DIAPH2: variants seen among roughly 807,000 people sequenced by gnomAD.
DIAPH2 encodes protein diaphanous homolog 2.
In DIAPH2, 35 loss-of-function variants were observed where a neutral mutation model predicts 92.7. That is an observed-to-expected ratio of 0.38 (90% CI 0.29 to 0.50). DIAPH2 has a LOEUF of 0.50. DIAPH2 is among the 20% of genes least tolerant of loss of function. The pLI is 0.94. For missense variants in DIAPH2, 701 were observed against 819.5 expected, an observed-to-expected ratio of 0.86 and a Z score of 1.77; for synonymous variants, 301 against 280.4, an observed-to-expected ratio of 1.07 and a Z score of -0.73.
At chrX:97,427,828 A>C (rs1163813818) in intron 25 of DIAPH2, among the ~76,000 whole-genome samples, 1 of 110,527 alleles carries the variant, frequency 9.0e-6, no homozygotes, top group Non-Finnish European at 1.9e-5. Flanking sequence ...CTGGGACTAC[A>C]GGTGCCCACC....
chrX:96,739,580 A>T (rs1328783670), intron 3 of DIAPH2, among the ~76,000 whole-genome samples: 15 of 111,973 alleles, frequency 1.3e-4, no homozygotes, highest in African/African-American at 4.9e-4. Context: ...ACATCTTGTC[A>T]TCACCTCTCC....
chrX:96,794,875 TTGGA>T (rs200526742), intron 4 of DIAPH2, among the ~76,000 whole-genome samples: 6,360 of 111,721 alleles, frequency 0.057, 199 homozygotes, highest in Middle Eastern at 0.16. Flanking sequence ...TCTTTCAGCT[TTGGA>T]TGGATCCAGA....
intron 5 of DIAPH2, among the ~76,000 whole-genome samples, chrX:96,909,809 A>C (rs1165168737): frequency 1.8e-5 from 2 of 111,255 alleles, no homozygotes; most frequent in East Asian, 2.8e-4. Flanking sequence ...AAAGTACCAT[A>C]AACTGCATCA....
chrX:97,062,488 T>A (rs1162427210), intron 17 of DIAPH2, among the ~76,000 whole-genome samples: 2 of 110,803 alleles, frequency 1.8e-5, no homozygotes, highest in Non-Finnish European at 3.8e-5. Flanking sequence ...AGAATTCAGA[T>A]CACAAGTAAA....
chrX:97,338,321 C>T (rs1457270048), intron 23 of DIAPH2, among the ~76,000 whole-genome samples: 1 of 111,909 alleles, frequency 8.9e-6, no homozygotes, highest in African/African-American at 3.2e-5. Flanking sequence ...GCATATTCAT[C>T]ACATAATGTG....
chrX:96,921,212 A>T (rs1410507138), intron 9 of DIAPH2, among the ~76,000 whole-genome samples: 1 of 111,658 alleles, frequency 9.0e-6, no homozygotes, highest in African/African-American at 3.2e-5. Context: ...AAAAAAGGTT[A>T]TTAACTTCTC....
Position 96,945,904 on chromosome X carries a change from T to G in DIAPH2, c.1509+313T>G, listed in dbSNP as rs111927321. The stretch of plus-strand genomic sequence containing the variant: ...CAATCAACCAAAATAAATTCTCCCT[T>G]TGCTTTCTTGCAGCTGTCGCTTGCA... On this transcript the variant is annotated intron_variant, in intron 14 of 26. Coordinates refer to ENST00000324765, the MANE Select transcript of DIAPH2 (RefSeq NM_006729.5). 1.2e-3 allele frequency among the ~76,000 whole-genome samples: 130 copies of G among 111,956 alleles called. 1 individual carries two copies. The highest frequency in any genetic ancestry group is 3.8e-3 in the African/African-American group (119 of 30,936).
chrX:96,735,705 A>T, intron 1 of DIAPH2, 53 bp from the exon 2 acceptor site: 1 of 644,193 alleles, frequency 1.6e-6, no homozygotes, highest in Non-Finnish European at 2.4e-6. Flanking sequence ...TTGATCTATG[A>T]GTTTCTCTTA....
At chrX:96,779,107 G>A (rs945583454) in intron 4 of DIAPH2, among the ~76,000 whole-genome samples, 3 of 112,177 alleles carry the variant, frequency 2.7e-5, no homozygotes, top group African/African-American at 9.7e-5. Context: ...CTACAAAATA[G>A]TGATTTTTCT....
At position 97,473,556 on chromosome X, in the gene DIAPH2, T is replaced by C. The variant is rs1424184774; in HGVS notation, c.3241+43811T>C. ...TCACCGTGTTGGTCAGGCTTGGTCT[T>C]GAACTCCTGACCTCGTGATCTGCCC... On this transcript the variant is annotated intron_variant, in intron 26 of 26. Coordinates refer to ENST00000324765, the MANE Select transcript of DIAPH2 (RefSeq NM_006729.5). Among the ~76,000 whole-genome samples the C allele has an allele frequency of 9.9e-5, 11 of 111,533 alleles. No homozygotes were observed. The East Asian group carries it at 2.9e-3, about 29-fold the overall frequency.
chrX:96,945,009 G>A (rs2065729187), intron 13 of DIAPH2, among the ~76,000 whole-genome samples: 1 of 111,281 alleles, frequency 9.0e-6, no homozygotes, highest in Non-Finnish European at 1.9e-5. Flanking sequence ...GACCTGAGAA[G>A]TTTGAAGTTA....
chrX:97,099,883 A>T, intron 20 of DIAPH2, 88 bp downstream of exon 20: 1 of 438,635 alleles, frequency 2.3e-6, no homozygotes, highest in Admixed American at 5.2e-5. Flanking sequence ...TCAGTTGTCA[A>T]TTATTTTTTC....
intron 21 of DIAPH2, among the ~76,000 whole-genome samples, chrX:97,115,655 T>C (rs1453156752): frequency 8.9e-6 from 1 of 112,372 alleles, no homozygotes; most frequent in African/African-American, 3.2e-5. Flanking sequence ...CAGAAATTTA[T>C]TTTTGAATAT....
Position 97,525,570 on chromosome X carries a change from G to A in DIAPH2, c.3242-73683G>A, listed in dbSNP as rs754303063. On this transcript the variant is annotated intron_variant, in intron 26 of 26. Transcript: ENST00000324765. ...ATGTCTTATTTATCTTTGTAGATCC[G>A]GCATTAAGCATGTCATTGGGAACTT... Among the ~76,000 whole-genome samples, 9 of 111,986 alleles carry A rather than the reference G, an allele frequency of 8.0e-5. No individual in the cohort carries two copies. In the East Asian group the frequency reaches 1.4e-3, roughly 17 times the overall value.
chrX:96,939,484 G>GTGTGTGTATATATATATATA lies in DIAPH2; in HGVS notation c.1325+103_1325+104insGTGTGTATATATATATATAT, dbSNP rs745521574. 2.6e-3 allele frequency: 371 copies of GTGTGTGTATATATATATATA among 145,184 alleles called. 12 individuals are homozygous for GTGTGTGTATATATATATATA. The highest frequency in any genetic ancestry group is 0.013 in the African/African-American group (330 of 24,676). The allele number at this position is 145,184 out of a possible 1,213,427, so 12.0% of individuals were successfully genotyped here. ...CTAAGCAATATATGCATATGTGTGT[G>GTGTGTGTATATATATATATA]TATGTATATATATATGTATATATAT... On this transcript the variant is annotated intron_variant, in intron 12 of 26. Coordinates refer to ENST00000324765, the MANE Select transcript of DIAPH2 (RefSeq NM_006729.5).
chrX:97,115,915 T>C (rs1227022597), intron 21 of DIAPH2, among the ~76,000 whole-genome samples: 1 of 111,861 alleles, frequency 8.9e-6, no homozygotes, highest in African/African-American at 3.2e-5. Flanking sequence ...AAGATCTGTC[T>C]GTTATAGAAG....
intron 26 of DIAPH2, among the ~76,000 whole-genome samples, chrX:97,585,845 T>A (rs2071476476): frequency 1.8e-5 from 2 of 111,902 alleles, no homozygotes; most frequent in Non-Finnish European, 3.8e-5. Flanking sequence ...AATCTGATAG[T>A]TTGTCTTTAT....
chrX:97,490,960 AT>A (rs751878170), intron 26 of DIAPH2, among the ~76,000 whole-genome samples: 61 of 102,558 alleles, frequency 5.9e-4, no homozygotes, highest in Admixed American at 9.4e-4. Context: ...TTCCTTATTG[AT>A]TTTTTTTTTT....
chrX:96,956,239 C>T (rs371533806), intron 15 of DIAPH2, among the ~76,000 whole-genome samples: 21 of 112,860 alleles, frequency 1.9e-4, no homozygotes, highest in Middle Eastern at 4.6e-3. Context: ...TTGAAATGTA[C>T]CATGACTCCT....
Sources: gnomAD v4.1 joint callset for allele counts (sites outside exome capture counted in the v4.1 genomes callset) on GRCh38, gnomAD v4.1.1 for gene constraint, MANE v1.5 for transcripts, NCBI Gene and HGNC (gene_info 2026-07-23, HGNC 2026-07-21) for gene names.